SAMD3: variants seen among roughly 807,000 people sequenced by gnomAD.
The protein encoded by SAMD3 is sterile alpha motif domain-containing protein 3.
Under a neutral mutation model 58.5 loss-of-function variants are expected in SAMD3, and 63 were observed. The ratio of observed to expected loss-of-function variants is 1.08; its 90% CI spans 0.88 to 1.33. SAMD3 has a LOEUF of 1.33. SAMD3 is among the 40% of genes most tolerant of loss of function. SAMD3 has a pLI of 0.00. For synonymous variants in SAMD3, 220 were observed against 210.3 expected, an observed-to-expected ratio of 1.05 and a Z score of -0.40; for missense variants, 604 against 608.4, an observed-to-expected ratio of 0.99 and a Z score of 0.08.
At chr6:130,207,608 A>C (rs896131263) in intron 5 of SAMD3, among the ~76,000 whole-genome samples, 1 of 152,184 alleles carries the variant, frequency 6.6e-6, no homozygotes, top group African/African-American at 2.4e-5. Context: ...AATCACGGGA[A>C]AGCTCTAGGA....
chr6:130,285,751 T>C (rs1775134278), intron 2 of SAMD3, among the ~76,000 whole-genome samples: 1 of 152,258 alleles, frequency 6.6e-6, no homozygotes, highest in South Asian at 2.1e-4. Context: ...TAAAAGTCCA[T>C]CTTATTCCCA....
chr6:130,209,407 A>T (rs1795345917), intron 5 of SAMD3, 88 bp downstream of exon 5: 1 of 609,814 alleles, frequency 1.6e-6, no homozygotes, highest in Non-Finnish European at 2.8e-6. Flanking sequence ...TCAAATTAGA[A>T]ATACATCTAA....
chr6:130,252,716 TCCTTTGTGGCAA>T (rs1003172906), intron 2 of SAMD3, among the ~76,000 whole-genome samples: 9 of 152,160 alleles, frequency 5.9e-5, no homozygotes, highest in African/African-American at 1.9e-4. Context: ...GGGTTGGAAT[TCCTTTGTGGCAA>T]CCAAAACAGC....
At chr6:130,168,083 C>G (rs1188125371) in intron 8 of SAMD3, among the ~76,000 whole-genome samples, 1 of 152,168 alleles carries the variant, frequency 6.6e-6, no homozygotes, top group African/African-American at 2.4e-5. Flanking sequence ...CTGCTCAGAC[C>G]TGCAGAAGTT....
chr6:130,154,948 C>T lies in SAMD3; in HGVS notation c.900G>A (p.Lys300=), dbSNP rs751837474. The change falls in exon 9 of 12, where the codon AAG becomes AAA. Residue 300 remains lysine (K), a synonymous_variant. Coordinates refer to ENST00000439090, the MANE Select transcript of SAMD3 (RefSeq NM_001017373.4). ...TTCTCTTGTCAATTTCTCTCCAGTCCTTTTCTGTTTTCACGTATTCTTGCT... is the reference window on the plus strand; with the variant it reads ...TTCTCTTGTCAATTTCTCTCCAGTCTTTTTCTGTTTTCACGTATTCTTGCT... ...WFQQEYVKTE[K]DWREIDKRMS... 4 of 1,613,162 alleles carry T rather than the reference C, an allele frequency of 2.5e-6. No individual in the cohort carries two copies. The African/African-American group carries it at 4.0e-5, about 16-fold the overall frequency.
intron 7 of SAMD3, chr6:130,183,240 C>A: frequency 2.5e-6 from 1 of 403,106 alleles, no homozygotes; most frequent in Non-Finnish European, 4.7e-6. Context: ...AGAACTGCTG[C>A]CCCAGAGAAT....
intron 5 of SAMD3, among the ~76,000 whole-genome samples, chr6:130,200,105 A>G (rs1434405593): frequency 2.7e-5 from 4 of 149,058 alleles, no homozygotes; most frequent in African/African-American, 9.8e-5. Context: ...AACAAAGCAG[A>G]AAAAAAAAAC....
chr6:130,232,985 C>T (rs1237657367), intron 2 of SAMD3, among the ~76,000 whole-genome samples: 1 of 152,138 alleles, frequency 6.6e-6, no homozygotes, highest in Non-Finnish European at 1.5e-5. Flanking sequence ...GCTGAGATTA[C>T]TGTGCCAAGC....
upstream of SAMD3, among the ~76,000 whole-genome samples, chr6:130,224,976 T>C (rs900727913): frequency 1.3e-5 from 2 of 152,070 alleles, no homozygotes; most frequent in Non-Finnish European, 2.9e-5. Flanking sequence ...TGGTAGGCTA[T>C]AGTCCATCAT....
intron 8 of SAMD3, among the ~76,000 whole-genome samples, chr6:130,172,441 A>T (rs541710072): frequency 1.3e-4 from 20 of 152,218 alleles, no homozygotes; most frequent in Non-Finnish European, 2.6e-4. Context: ...TCTGTAGAGG[A>T]TTTTATTTCT....
intron 9 of SAMD3, among the ~76,000 whole-genome samples, chr6:130,152,824 G>A (rs1789350581): frequency 6.6e-6 from 1 of 152,164 alleles, no homozygotes; most frequent in Non-Finnish European, 1.5e-5. Context: ...GCCACAGCAG[G>A]AGGCCTGGAC....
chr6:130,234,479 T>A (rs12661655), intron 2 of SAMD3, among the ~76,000 whole-genome samples: 2 of 152,184 alleles, frequency 1.3e-5, no homozygotes, highest in East Asian at 3.9e-4. Flanking sequence ...CACATATATA[T>A]CCATGAATAT....
At chr6:130,300,879 G>T (rs1301321809) in intron 2 of SAMD3, among the ~76,000 whole-genome samples, 1 of 152,108 alleles carries the variant, frequency 6.6e-6, no homozygotes, top group Non-Finnish European at 1.5e-5. Context: ...ATGCAGGTTT[G>T]TTACGTAGGT....
intron 9 of SAMD3, among the ~76,000 whole-genome samples, chr6:130,150,285 C>T (rs1287666402): frequency 1.3e-5 from 2 of 152,122 alleles, no homozygotes; most frequent in Non-Finnish European, 2.9e-5. Context: ...AGCTAGGTGG[C>T]AATACCTTGT....
At chr6:130,231,808 G>A (rs1796557189) in intron 2 of SAMD3, among the ~76,000 whole-genome samples, 1 of 152,094 alleles carries the variant, frequency 6.6e-6, no homozygotes, top group South Asian at 2.1e-4. Flanking sequence ...AACAATTATA[G>A]TTTGTTTTTT....
At chr6:130,224,699 A>G (rs894166076), upstream of SAMD3, among the ~76,000 whole-genome samples, 3 of 151,586 alleles carry the variant, frequency 2.0e-5, no homozygotes, top group South Asian at 2.1e-4. Flanking sequence ...GCTCACTGCA[A>G]CTTCCACCTC....
rs150249964 is a variant in SAMD3 at position 130,237,220 on chromosome 6, C to T, written c.-187-14407G>A. Among the ~76,000 whole-genome samples, 712 of 152,172 alleles carry T rather than the reference C, an allele frequency of 4.7e-3. 6 individuals are homozygous for T. The highest frequency in any genetic ancestry group is 0.014 in the African/African-American group (599 of 41,524). ...GTCAAGGGGTCTGGGTAGTGAGGCG[C>T]TACTATTCTGTTTCACAAGAAATAT... is the stretch of plus-strand genomic sequence containing the variant. On this transcript the variant is annotated intron_variant, in intron 2 of 13. Coordinates refer to the SAMD3 transcript ENST00000368134.
At chr6:130,277,719 C>G (rs1264148715) in intron 2 of SAMD3, among the ~76,000 whole-genome samples, 1 of 152,108 alleles carries the variant, frequency 6.6e-6, no homozygotes, top group Non-Finnish European at 1.5e-5. Flanking sequence ...AATGTGGTAA[C>G]AAGCAATCCT....
At chr6:130,159,219 TG>T (rs1790064773) in intron 8 of SAMD3, among the ~76,000 whole-genome samples, 1 of 152,198 alleles carries the variant, frequency 6.6e-6, no homozygotes. Flanking sequence ...CAAGATCCAA[TG>T]GTTTTAAAAA....
Sources: gnomAD v4.1 joint callset for allele counts (sites outside exome capture counted in the v4.1 genomes callset) on GRCh38, gnomAD v4.1.1 for gene constraint, MANE v1.5 for transcripts, NCBI Gene and HGNC (gene_info 2026-07-23, HGNC 2026-07-21) for gene names.